Variants in LINGO2 observed in about 807,000 individuals in gnomAD.
LINGO2 encodes leucine-rich repeat and immunoglobulin-like domain-containing nogo receptor-interacting protein 2.
In LINGO2, 14 loss-of-function variants were observed where a neutral mutation model predicts 30.6. The ratio of observed to expected loss-of-function variants is 0.46; its 90% CI spans 0.30 to 0.72. LINGO2 has a LOEUF of 0.72. LINGO2 is among the 30% of genes least tolerant of loss of function. The pLI is 0.07. For synonymous variants in LINGO2, 317 were observed against 288.5 expected (o/e 1.10, Z -1.00); for missense variants, 729 against 751.7 (o/e 0.97, Z 0.35).
chr9:28,544,423 C>T (rs1821841374), intron 1 of LINGO2, among the ~76,000 whole-genome samples: 1 of 152,102 alleles, frequency 6.6e-6, no homozygotes, highest in African/African-American at 2.4e-5. Flanking sequence ...TTTTCCCTGG[C>T]CTTTGTAACC....
the LINGO2 span, among the ~76,000 whole-genome samples, chr9:29,120,845 T>C: frequency 6.6e-6 from 1 of 152,208 alleles, no homozygotes; most frequent in African/African-American, 2.4e-5. Flanking sequence ...TTAGTAGAAC[T>C]TGCATGATAG....
chr9:28,603,283 T>C (rs1186236603), intron 1 of LINGO2, among the ~76,000 whole-genome samples: 5 of 152,080 alleles, frequency 3.3e-5, no homozygotes, highest in South Asian at 2.1e-4. Context: ...ATTTTCCTGC[T>C]TGTAGATACT....
At chr9:28,923,130 C>A in the LINGO2 span, among the ~76,000 whole-genome samples, 1 of 152,152 alleles carries the variant, frequency 6.6e-6, no homozygotes, top group East Asian at 1.9e-4. Context: ...GGGATCTCAG[C>A]CCTGCTGGCA....
At chr9:28,355,351 C>CTG (rs1820148441) in intron 3 of LINGO2, among the ~76,000 whole-genome samples, 1 of 133,870 alleles carries the variant, frequency 7.5e-6, no homozygotes, top group Non-Finnish European at 1.6e-5. Context: ...CTCTCTCTCT[C>CTG]TCTCCCTCCC....
chr9:28,610,960 T>G (rs1349156986), intron 1 of LINGO2, among the ~76,000 whole-genome samples: 2 of 152,174 alleles, frequency 1.3e-5, no homozygotes, highest in Non-Finnish European at 2.9e-5. Flanking sequence ...AAACATGCCA[T>G]TATCCTTAAT....
At chr9:29,021,681 AAAGGAAGGAAGG>A in the LINGO2 span, among the ~76,000 whole-genome samples, 3,465 of 93,638 alleles carry the variant, frequency 0.037, 113 homozygotes, top group African/African-American at 0.094. Context: ...GAAAGAAAAG[AAAGGAAGGAAGG>A]AAGGAAGGAA....
At chr9:29,085,730 TAC>T in the LINGO2 span, among the ~76,000 whole-genome samples, 2 of 152,168 alleles carry the variant, frequency 1.3e-5, no homozygotes, top group Admixed American at 6.6e-5. Context: ...ATACTTTGTA[TAC>T]AGAGTCTACC....
chr9:28,727,291 T>C, the LINGO2 span, among the ~76,000 whole-genome samples: 4 of 147,404 alleles, frequency 2.7e-5, no homozygotes, highest in African/African-American at 5.2e-5. Context: ...AAATCCTTCT[T>C]TTTTTTTTTT....
chr9:28,038,644 G>T (rs912876041), intron 4 of LINGO2, among the ~76,000 whole-genome samples: 3 of 147,158 alleles, frequency 2.0e-5, no homozygotes, highest in African/African-American at 7.6e-5. Context: ...AGTGAGCCGA[G>T]ATTGCACCAC....
At chr9:28,917,001 T>C in the LINGO2 span, among the ~76,000 whole-genome samples, 2 of 152,202 alleles carry the variant, frequency 1.3e-5, no homozygotes, top group African/African-American at 4.8e-5. Flanking sequence ...TAAACACTAA[T>C]GTTCAACTAA....
At chr9:28,705,685 A>G in the LINGO2 span, among the ~76,000 whole-genome samples, 1 of 152,128 alleles carries the variant, frequency 6.6e-6, no homozygotes, top group Non-Finnish European at 1.5e-5. Flanking sequence ...AAAACTCACA[A>G]AAGTGTGAGG....
At chr9:28,652,809 A>G (rs1382857507) in intron 1 of LINGO2, among the ~76,000 whole-genome samples, 1 of 152,052 alleles carries the variant, frequency 6.6e-6, no homozygotes, top group Non-Finnish European at 1.5e-5. Flanking sequence ...TGGTTGATTC[A>G]TTTTTAATTT....
chr9:28,578,739 G>A (rs1038395449), intron 1 of LINGO2, among the ~76,000 whole-genome samples: 5 of 152,088 alleles, frequency 3.3e-5, no homozygotes, highest in Admixed American at 6.6e-5. Context: ...TAGGTTTTTG[G>A]TGAATGCTAA....
intron 4 of LINGO2, among the ~76,000 whole-genome samples, chr9:28,196,462 C>A (rs539729543): frequency 2.0e-5 from 3 of 151,702 alleles, no homozygotes; most frequent in Admixed American, 1.3e-4. Flanking sequence ...AAGCAGTACC[C>A]ATTAACAAGG....
chr9:27,965,671 G>A (rs1193484620), intron 5 of LINGO2, among the ~76,000 whole-genome samples: 1 of 152,028 alleles, frequency 6.6e-6, no homozygotes, highest in Non-Finnish European at 1.5e-5. Context: ...TCTTTGGAAT[G>A]CAAATTATTT....
the LINGO2 span, among the ~76,000 whole-genome samples, chr9:28,690,617 G>T: frequency 6.6e-6 from 1 of 152,068 alleles, no homozygotes; most frequent in Non-Finnish European, 1.5e-5. Context: ...TTCTAGGGGA[G>T]ACTCTTATCA....
chr9:28,773,875 T>A, the LINGO2 span, among the ~76,000 whole-genome samples: 11 of 152,214 alleles, frequency 7.2e-5, no homozygotes, highest in Non-Finnish European at 1.6e-4. Flanking sequence ...TACATCGTGC[T>A]GCAAGACTAT....
the LINGO2 span, among the ~76,000 whole-genome samples, chr9:28,749,830 A>G: frequency 6.6e-6 from 1 of 152,152 alleles, no homozygotes; most frequent in East Asian, 1.9e-4. Flanking sequence ...AAAGCTCACA[A>G]CCAAATTAAT....
chr9:28,250,561 A>G (rs1235272297), intron 4 of LINGO2, among the ~76,000 whole-genome samples: 1 of 152,156 alleles, frequency 6.6e-6, no homozygotes, highest in Non-Finnish European at 1.5e-5. Flanking sequence ...AGACTTTAAT[A>G]ACTCTGCTCC....
Sources: gnomAD v4.1 joint callset for allele counts (sites outside exome capture counted in the v4.1 genomes callset) on GRCh38, gnomAD v4.1.1 for gene constraint, MANE v1.5 for transcripts, NCBI Gene and HGNC (gene_info 2026-07-23, HGNC 2026-07-21) for gene names.